Variants in SH3PXD2A observed in about 807,000 individuals in gnomAD.
SH3PXD2A encodes the protein SH3 and PX domain-containing protein 2A.
Under a neutral mutation model 115.2 loss-of-function variants are expected in SH3PXD2A, and 32 were observed. That is an observed-to-expected ratio of 0.28 (90% CI 0.21 to 0.37). The LOEUF (loss-of-function observed/expected upper bound fraction) is 0.37, where lower values mean the gene tolerates loss of function less well. Among genes scored for constraint, SH3PXD2A ranks in the 10% least tolerant of loss-of-function variants. The pLI is 1.00. For missense variants in SH3PXD2A, 1,328 were observed against 1,498.7 expected, an observed-to-expected ratio of 0.89 and a Z score of 1.88; for synonymous variants, 610 against 629.1, an observed-to-expected ratio of 0.97 and a Z score of 0.45.
intron 8 of SH3PXD2A, among the ~76,000 whole-genome samples, chr10:103,653,842 C>T (rs1393334019): frequency 6.6e-6 from 1 of 152,102 alleles, no homozygotes; most frequent in African/African-American, 2.4e-5. Context: ...CCCACACAGC[C>T]CGGAGGGCTT....
chr10:103,832,217 C>A (rs373405379), intron 1 of SH3PXD2A, among the ~76,000 whole-genome samples: 5 of 152,096 alleles, frequency 3.3e-5, no homozygotes, highest in African/African-American at 1.2e-4. Context: ...GTTCCTGTAA[C>A]TTAACCTATC....
intron 1 of SH3PXD2A, among the ~76,000 whole-genome samples, chr10:103,845,232 G>T (rs1842831669): frequency 6.6e-6 from 1 of 150,962 alleles, no homozygotes; most frequent in Admixed American, 6.6e-5. Context: ...TCGGGAAGCC[G>T]AGGCACGAGA....
chr10:103,736,898 G>C (rs1022716238), intron 3 of SH3PXD2A: 5 of 651,024 alleles, frequency 7.7e-6, no homozygotes, highest in African/African-American at 5.6e-5. Flanking sequence ...TAGCAACAAA[G>C]GTAGCCACAG....
intron 2 of SH3PXD2A, among the ~76,000 whole-genome samples, chr10:103,781,256 C>A (rs1818593987): frequency 6.6e-6 from 1 of 152,188 alleles, no homozygotes; most frequent in Admixed American, 6.5e-5. Context: ...CTGGGAGGTA[C>A]AATCATGGAA....
At chr10:103,622,642 G>GGGGGTGT in intron 9 of SH3PXD2A, 89 bp from the exon 10 acceptor site, 1 of 545,778 alleles carries the variant, frequency 1.8e-6, no homozygotes, top group African/African-American at 1.9e-5. Flanking sequence ...GGGGTGGGAG[G>GGGGGTGT]AAGGGGCACA....
intron 8 of SH3PXD2A, among the ~76,000 whole-genome samples, chr10:103,630,627 G>T (rs2036764476): frequency 1.3e-5 from 2 of 151,776 alleles, no homozygotes; most frequent in South Asian, 2.1e-4. Flanking sequence ...AGAGTCAAGA[G>T]ATAGAGAGCC....
chr10:103,789,199 A>T (rs2039009909), intron 2 of SH3PXD2A, among the ~76,000 whole-genome samples: 1 of 152,034 alleles, frequency 6.6e-6, no homozygotes, highest in African/African-American at 2.4e-5. Flanking sequence ...AAGGACCAGG[A>T]TGTCAAGACC....
At chr10:103,603,892 C>T (rs1205442580) in intron 14 of SH3PXD2A, 103 bp from the exon 15 acceptor site, 37 of 1,282,406 alleles carry the variant, frequency 2.9e-5, no homozygotes, top group Non-Finnish European at 3.8e-5. Context: ...AAATTATCTC[C>T]ATTTTACAGA....
At chr10:103,793,324 T>G (rs964404888) in intron 2 of SH3PXD2A, among the ~76,000 whole-genome samples, 2 of 152,194 alleles carry the variant, frequency 1.3e-5, no homozygotes, top group Non-Finnish European at 2.9e-5. Flanking sequence ...TAAATCTTGT[T>G]CTTGGGTTTT....
chr10:103,768,349 C>T (rs1171037340), intron 2 of SH3PXD2A, among the ~76,000 whole-genome samples: 1 of 152,222 alleles, frequency 6.6e-6, no homozygotes, highest in Non-Finnish European at 1.5e-5. Context: ...AGCAATTCTA[C>T]AGAGACCTGC....
chr10:103,799,084 G>A (rs1048063955), intron 2 of SH3PXD2A, among the ~76,000 whole-genome samples: 2 of 152,212 alleles, frequency 1.3e-5, no homozygotes, highest in African/African-American at 4.8e-5. Flanking sequence ...GAGAAGTGAA[G>A]GAGCCTGTCC....
At chr10:103,703,562 G>A (rs889869838) in intron 5 of SH3PXD2A, among the ~76,000 whole-genome samples, 1 of 152,108 alleles carries the variant, frequency 6.6e-6, no homozygotes, top group African/African-American at 2.4e-5. Context: ...AGCACTGAAT[G>A]TTCCAATTCT....
intron 5 of SH3PXD2A, among the ~76,000 whole-genome samples, chr10:103,695,557 C>G (rs2037815178): frequency 6.6e-6 from 1 of 151,694 alleles, no homozygotes; most frequent in Non-Finnish European, 1.5e-5. Context: ...AACTCACATG[C>G]TTGGAGGGCC....
intron 5 of SH3PXD2A, among the ~76,000 whole-genome samples, chr10:103,719,262 C>T (rs7094461): frequency 9.9e-5 from 15 of 152,176 alleles, no homozygotes; most frequent in Non-Finnish European, 2.2e-4. Flanking sequence ...CGGGTGCTGA[C>T]GAGGTTGGGA....
At chr10:103,822,536 T>G (rs554123125) in intron 1 of SH3PXD2A, among the ~76,000 whole-genome samples, 15 of 151,936 alleles carry the variant, frequency 9.9e-5, no homozygotes, top group African/African-American at 3.6e-4. Flanking sequence ...CACTCAGCCA[T>G]GAGGGCATGG....
At chr10:103,781,113 G>T (rs1269448082) in intron 2 of SH3PXD2A, among the ~76,000 whole-genome samples, 1 of 152,194 alleles carries the variant, frequency 6.6e-6, no homozygotes, top group Non-Finnish European at 1.5e-5. Flanking sequence ...TGATTTGCTT[G>T]TGAAACTGTT....
At chr10:103,799,585 T>C (rs1464309037) in intron 2 of SH3PXD2A, among the ~76,000 whole-genome samples, 16 of 152,038 alleles carry the variant, frequency 1.1e-4, no homozygotes. Flanking sequence ...AGCATTCCTT[T>C]CTCCTGAGAT....
intron 10 of SH3PXD2A, among the ~76,000 whole-genome samples, chr10:103,619,579 T>C (rs1467599630): frequency 1.3e-5 from 2 of 152,154 alleles, no homozygotes; most frequent in African/African-American, 4.8e-5. Context: ...GTCTAGCCCA[T>C]CATGTGGGCT....
chr10:103,602,242 G>A lies in SH3PXD2A; in HGVS notation c.2976C>T (p.Asn992=), dbSNP rs2036227505. 1 of 1,609,822 alleles carries A rather than the reference G, an allele frequency of 6.2e-7. No individual in the cohort carries two copies. The highest frequency in any genetic ancestry group is 1.7e-5 in the Admixed American group (1 of 59,756). ...CATTCCTCCGCAGGGCGCAGGACAG[G>A]TTGTTGTCCTTGGGTGGCGGGGACA... The part of the protein sequence containing the change: ...VFVSPPPKDN[N]LSCALRRNES... The change falls in exon 15 of 15, where the codon AAC becomes AAT. Residue 992 remains asparagine (N), a synonymous_variant. Transcript: ENST00000369774.
Sources: allele counts gnomAD v4.1 joint callset (sites outside exome capture counted in the v4.1 genomes callset), GRCh38; gene constraint gnomAD v4.1.1; transcripts MANE v1.5; gene names NCBI Gene and HGNC (gene_info 2026-07-23, HGNC 2026-07-21).